KMT2D: variants seen among roughly 807,000 people sequenced by gnomAD.
KMT2D encodes the protein lysine methyltransferase 2D.
A neutral mutation model predicts 512.7 loss-of-function variants in KMT2D; 55 were observed. That is an observed-to-expected ratio of 0.11 (90% confidence interval 0.09 to 0.13). KMT2D has a LOEUF of 0.13. Ranked by LOEUF, KMT2D falls within the 10% of genes least tolerant of loss-of-function variation. The pLI, the probability that KMT2D is intolerant of heterozygous loss-of-function variation, is 1.00. For missense variants in KMT2D, 6,061 were observed against 7,127.9 expected (o/e 0.85, Z 5.39); for synonymous variants, 2,995 against 2,904.0 (o/e 1.03, Z -1.01).
intron 10 of KMT2D, 66 bp downstream of exon 10, chr12:49,052,498 G>A (rs2120688644): frequency 6.3e-7 from 1 of 1,575,306 alleles, no homozygotes; most frequent in Non-Finnish European, 8.7e-7. Flanking sequence ...CTGGGGCAAT[G>A]CACAAACTGT....
rs1458518561 is a variant in KMT2D, at chr12:49,040,860, G to T, written c.6910C>A (p.Leu2304Met). The change falls in exon 32 of 55, where the codon CTG (leucine) becomes ATG (methionine). Residue 2304 changes from leucine to methionine, a missense_variant. Transcript: ENST00000301067. ...ASSPSYGPPNLGFVDSPSSGT... is the reference protein window; with the variant it reads ...ASSPSYGPPNMGFVDSPSSGT... ...GAGGAGGGTGAGTCAACAAAGCCCA[G>T]GTTTGGGGGCCCATAGCTAGGAGAG... 1.2e-6 allele frequency: 2 copies of T among 1,613,710 alleles called. No individual in the cohort carries two copies. The highest frequency in any genetic ancestry group is 1.7e-5 in the Admixed American group (1 of 59,984).
At chr12:49,047,766 G>A (rs1406628135) in intron 15 of KMT2D, among the ~76,000 whole-genome samples, 199 bp downstream of exon 15, 1 of 152,102 alleles carries the variant, frequency 6.6e-6, no homozygotes, top group Non-Finnish European at 1.5e-5. Context: ...GCAAGTCAGG[G>A]CCTACCACAA....
chr12:49,030,552 C>A, intron 42 of KMT2D, 49 bp downstream of exon 42: 1 of 1,519,800 alleles, frequency 6.6e-7, no homozygotes, highest in Non-Finnish European at 8.8e-7. Context: ...CCCACCCTCA[C>A]CTTCCCAAGA....
At position 49,022,003 on chromosome 12, in the gene KMT2D, A is replaced by C. The variant is rs762731259; in HGVS notation, c.16521+40T>G. 1.3e-6 allele frequency: 2 copies of C among 1,580,794 alleles called. No homozygotes were observed. The highest frequency in any genetic ancestry group is 2.2e-5 in the South Asian group (2 of 90,416). ...ATGGCAGAGAAGGGGTGAAAGGAGG[A>C]GGAGCTGCTTTGTCACTCAGTCAGG... On this transcript the variant is annotated intron_variant, in intron 54 of 54. Coordinates refer to ENST00000301067, the MANE Select transcript of KMT2D (RefSeq NM_003482.4). The surrounding 1 kb of genome is among the most constrained non-coding windows in gnomAD (Gnocchi z 8.6).
chr12:49,052,193 G>A lies in KMT2D; in HGVS notation c.1490C>T (p.Pro497Leu), dbSNP rs371421459. ...GGGAGACAGAGGAGACTCCTCAGGC[G>A]GCGGAGAGAGGGGCGATTCCTCCAG... is the stretch of plus-strand genomic sequence containing the variant. ...RPLEESPLSP[P>L]PEESPLSPPP... Residue 497 changes from proline (P) to leucine (L), a missense_variant, in exon 11 of 55, where the codon CCG becomes CTG. By Grantham distance (98) the Pro-to-Leu change is moderately conservative. This residue lies in a region of KMT2D where 848 missense variants were observed against 838.5 expected (regional missense o/e 1.01). Coordinates refer to ENST00000301067, the MANE Select transcript of KMT2D (RefSeq NM_003482.4). 1.7e-4 allele frequency: 278 copies of A among 1,613,356 alleles called. No homozygotes were observed. Among genetic ancestry groups the A allele is most frequent in the Non-Finnish European group, 2.1e-4 (246 of 1,179,698 alleles).
In KMT2D at chr12:49,043,200, G is replaced by A. The variant is rs1046861002; in HGVS notation, c.5534-14C>T. The A allele has an allele frequency of 6.2e-7, 1 of 1,610,696 alleles. No individual in the cohort carries two copies. Among genetic ancestry groups the A allele is most frequent in the Non-Finnish European group, 8.5e-7 (1 of 1,177,002 alleles). Reference sequence around the variant, plus strand: ...CATCCTCAGGTCCTGTAAATGCCAGGAGAAACCCATGGGTCAAGGCCAGGA... The same window carrying A: ...CATCCTCAGGTCCTGTAAATGCCAGAAGAAACCCATGGGTCAAGGCCAGGA... On this transcript the variant is annotated splice_polypyrimidine_tract_variant and intron_variant, in intron 25 of 54. Transcript: ENST00000301067.
In KMT2D at chr12:49,020,087, C is replaced by G. The variant is rs886049461; in HGVS notation, c.*1693G>C. On this transcript the variant is annotated 3_prime_UTR_variant, in exon 55 of 55. Transcript: ENST00000301067. ...GGGCCTCACCCACCCCTTACCTACT[C>G]CCACCCCCAGGAAGAGGTTCAACTG... 1 of 195,514 alleles carries G rather than the reference C, an allele frequency of 5.1e-6. No homozygotes were observed. Among genetic ancestry groups the G allele is most frequent in the Non-Finnish European group, 1.1e-5 (1 of 93,634 alleles). The allele number at this position is 195,514 out of a possible 1,614,324, so 12.1% of individuals were successfully genotyped here.
In KMT2D at chr12:49,038,650, C is replaced by T. The variant is rs2120501513; in HGVS notation, c.8706G>A (p.Gln2902=). The change falls in exon 35 of 55, where the codon CAG becomes CAA. Residue 2902 remains glutamine (Q), a synonymous_variant. Coordinates refer to ENST00000301067, the MANE Select transcript of KMT2D (RefSeq NM_003482.4). The surrounding 1 kb of genome is among the most constrained non-coding windows in gnomAD (Gnocchi z 5.7). ...CACTTACAGGGTAAAAACGGGGTCTCTGAGGTGGGCCCTGACCAGGAAACG... is the reference window on the plus strand; with the variant it reads ...CACTTACAGGGTAAAAACGGGGTCTTTGAGGTGGGCCCTGACCAGGAAACG... The part of the protein sequence containing the change: ...GTPFPGQGPP[Q]RPRFYPVSED... 1 of 1,613,090 alleles carries T rather than the reference C, an allele frequency of 6.2e-7. No homozygotes were observed. Among genetic ancestry groups the T allele is most frequent in the Admixed American group, 1.7e-5 (1 of 60,012 alleles).
Position 49,051,771 on chromosome 12 carries a change from G to T in KMT2D, c.1912C>A (p.Pro638Thr), listed in dbSNP as rs372919446. 1 of 1,610,832 alleles carries T rather than the reference G, an allele frequency of 6.2e-7. No homozygotes were observed. Among genetic ancestry groups the T allele is most frequent in the Non-Finnish European group, 8.5e-7 (1 of 1,177,834 alleles). Reference protein sequence around the residue: ...PPPEDSPMSPPPEESPMSPPP... With the variant: ...PPPEDSPMSPTPEESPMSPPP... ...GGGGACATAGGTGATTCTTCAGGTGGTGGGGACATAGGCGAGTCCTCAGGT... is the reference window on the plus strand; with the variant it reads ...GGGGACATAGGTGATTCTTCAGGTGTTGGGGACATAGGCGAGTCCTCAGGT... The change falls in exon 11 of 55, where the codon CCA (proline) becomes ACA (threonine). Residue 638 changes from proline to threonine, a missense_variant. Around this residue, in one of 16 missense-constraint regions of KMT2D, gnomAD observed 848 missense variants for 838.5 expected, o/e 1.01. Transcript: ENST00000301067.
chr12:49,029,750 A>G (rs1417639271), intron 43 of KMT2D, among the ~76,000 whole-genome samples: 1 of 151,182 alleles, frequency 6.6e-6, no homozygotes, highest in Non-Finnish European at 1.5e-5. Context: ...TCCTGGCCTC[A>G]AGCAATCCTT....
rs536208201 is a variant in KMT2D at position 49,027,938 on chromosome 12, A to C, written c.14516-8T>G. 9 of 1,613,890 alleles carry C rather than the reference A, an allele frequency of 5.6e-6. No homozygotes were observed. In the African/African-American group the frequency reaches 6.7e-5, roughly 12 times the overall value. ...GACCCTTTTCCTTCCCACCTGCAGA[A>C]AGGAGTGGATCAGAGCCTCCCACCA... On this transcript the variant is annotated splice_region_variant and splice_polypyrimidine_tract_variant and intron_variant, in intron 47 of 54. Coordinates refer to ENST00000301067, the MANE Select transcript of KMT2D (RefSeq NM_003482.4).
Position 49,054,644 on chromosome 12 carries a change from G to T in KMT2D, c.284C>A (p.Pro95Gln). 1 of 1,612,834 alleles carries T rather than the reference G, an allele frequency of 6.2e-7. No homozygotes were observed. The highest frequency in any genetic ancestry group is 1.3e-5 in the African/African-American group (1 of 74,990). ...FELPFDWPRC[P>Q]VVSPGGSPGP... Reference sequence around the variant, plus strand: ...TGGGCTCCCCCCAGGGGACACCACTGGACACCGGGGCCAATCAAATGGCAA... The same window carrying T: ...TGGGCTCCCCCCAGGGGACACCACTTGACACCGGGGCCAATCAAATGGCAA... The change falls in exon 4 of 55, where the codon CCA becomes CAA. Residue 95 changes from proline to glutamine, a missense_variant. This residue lies in a region of KMT2D where 144 missense variants were observed against 165.7 expected (regional missense o/e 0.87). Coordinates refer to ENST00000301067, the MANE Select transcript of KMT2D (RefSeq NM_003482.4). This position sits in a 1 kb window ranked among gnomAD's most constrained non-coding sequence, Gnocchi z 6.4.
At position 49,032,324 on chromosome 12, in the gene KMT2D, G is replaced by C. The variant is rs1443163318; in HGVS notation, c.12381C>G (p.Ala4127=). 5.0e-6 allele frequency: 8 copies of C among 1,613,702 alleles called. No individual in the cohort carries two copies. Among genetic ancestry groups the C allele is most frequent in the Non-Finnish European group, 6.8e-6 (8 of 1,179,796 alleles). ...GAGCCAGCAGGTGGGGCACAGATGA[G>C]GCCTCAGAAGATGATCCACTGCCTA... The part of the protein sequence containing the change: ...GQLGSGSSSE[A]SSVPHLLAQP... Residue 4127 remains alanine, a synonymous_variant, in exon 40 of 55, where the codon GCC becomes GCG. Transcript: ENST00000301067.
At chr12:49,055,175 C>T (rs1326362566) in intron 2 of KMT2D, 101 bp downstream of exon 2, 1 of 1,540,888 alleles carries the variant, frequency 6.5e-7, no homozygotes, top group Admixed American at 1.7e-5. Context: ...TGTTCCATTA[C>T]TTATCTGCTA....
chr12:49,024,728 T>G lies in KMT2D; in HGVS notation c.15922-20A>C. 6.2e-7 allele frequency: 1 copy of G among 1,612,252 alleles called. No individual in the cohort carries two copies. The highest frequency in any genetic ancestry group is 8.5e-7 in the Non-Finnish European group (1 of 1,178,714). ...GGGCAGCTGTGGGCACAGTTCATAC[T>G]CACCTTAGCCTGAGTTTTTTTGGGG... On this transcript the variant is annotated intron_variant, in intron 50 of 54. Transcript: ENST00000301067. This position sits in a 1 kb window ranked among gnomAD's most constrained non-coding sequence, Gnocchi z 4.5.
rs1942681845 is a variant in KMT2D, at chr12:49,027,842, G to C, written c.14604C>G (p.Thr4868=). Residue 4868 remains threonine (T), a synonymous_variant, in exon 48 of 55, where the codon ACC becomes ACG. Transcript: ENST00000301067. ...KQFDAVLPGY[T]LKSQLDILSL... ...TCAAGATGTCTAGTTGGCTCTTCAG[G>C]GTATAGCCAGGCAACACTGCATCAA... 6.3e-7 allele frequency: 1 copy of C among 1,596,692 alleles called. No individual in the cohort carries two copies. Among genetic ancestry groups the C allele is most frequent in the African/African-American group, 1.3e-5 (1 of 74,432 alleles).
rs775381331 is a variant in KMT2D, at chr12:49,026,328, G to A, written c.15638C>T (p.Thr5213Met). ...TALYPVGYEA[T>M]RIYWSLRTNN... ...GGTGCGGAGGCTCCAATAGATGCGCGTGGCCTCGTAGCCCACGGGATAGAG... is the reference window on the plus strand; with the variant it reads ...GGTGCGGAGGCTCCAATAGATGCGCATGGCCTCGTAGCCCACGGGATAGAG... Residue 5213 changes from threonine (T) to methionine (M), a missense_variant, in exon 49 of 55, where the codon ACG (threonine) becomes ATG (methionine). By Grantham distance (81) the Thr-to-Met change is moderately conservative. Coordinates refer to ENST00000301067, the MANE Select transcript of KMT2D (RefSeq NM_003482.4). The surrounding 1 kb of genome is among the most constrained non-coding windows in gnomAD (Gnocchi z 9.6). The A allele has an allele frequency of 6.2e-6, 10 of 1,611,972 alleles. No individual in the cohort carries two copies. Among genetic ancestry groups the A allele is most frequent in the South Asian group, 2.2e-5 (2 of 91,068 alleles).
rs767232021 is a variant in KMT2D, at chr12:49,030,328, G to A, written c.13951C>T (p.His4651Tyr). The change falls in exon 43 of 55, where the codon CAC becomes TAC. Residue 4651 changes from histidine (H) to tyrosine (Y), a missense_variant. Physicochemically the swap from His to Tyr is moderately conservative, Grantham distance 83. Around this residue, in one of 16 missense-constraint regions of KMT2D, gnomAD observed 1,600 missense variants for 1,754.9 expected, o/e 0.91. Coordinates refer to ENST00000301067, the MANE Select transcript of KMT2D (RefSeq NM_003482.4). The part of the protein sequence containing the change: ...GVTPSEELGE[H>Y]PKDAASARDS... Reference sequence around the variant, plus strand: ...CGGGCAGAGGCAGCATCCTTGGGGTGCTCCCCCAGCTCTTCAGATGGGGTG... The same window carrying A: ...CGGGCAGAGGCAGCATCCTTGGGGTACTCCCCCAGCTCTTCAGATGGGGTG... 2.5e-5 allele frequency: 40 copies of A among 1,603,500 alleles called. No homozygotes were observed. Among genetic ancestry groups the A allele is most frequent in the Middle Eastern group, 1.7e-4 (1 of 6,038 alleles).
Position 49,041,327 on chromosome 12 carries a change from C to CCCG in KMT2D, c.6440_6442dup (p.Ala2147dup). The CCCG allele has an allele frequency of 1.9e-6, 3 of 1,539,792 alleles. No homozygotes were observed. The highest frequency in any genetic ancestry group is 2.6e-6 in the Non-Finnish European group (3 of 1,144,634). ...AGGCGAGTCAGGGCCAGGCACCGAG[C>CCCG]CCGCCGGCGGCTTCAGGAACCCGTC... On this transcript the variant is annotated inframe_insertion, in exon 32 of 55. Transcript: ENST00000301067. The surrounding 1 kb of genome is among the most constrained non-coding windows in gnomAD (Gnocchi z 5.4).
Sources: gnomAD v4.1 joint callset for allele counts (sites outside exome capture counted in the v4.1 genomes callset) on GRCh38, gnomAD v4.1.1 for gene constraint, gnomAD v4.1.1 regional missense constraint, Gnocchi (gnomAD v3.1) non-coding constraint, MANE v1.5 for transcripts, NCBI Gene and HGNC (gene_info 2026-07-23, HGNC 2026-07-21) for gene names.